RASEF: variants seen among roughly 807,000 people sequenced by gnomAD.
RASEF encodes the protein ras and EF-hand domain-containing protein.
A neutral mutation model predicts 90.1 loss-of-function variants in RASEF; 68 were observed. The ratio of observed to expected loss-of-function variants is 0.75; its 90% CI spans 0.62 to 0.92. RASEF has a LOEUF of 0.92. Ranked by LOEUF, RASEF falls within the 40% of genes least tolerant of loss-of-function variation. RASEF has a pLI of 0.00. For synonymous variants in RASEF, 331 were observed against 345.2 expected, an observed-to-expected ratio of 0.96 and a Z score of 0.46; for missense variants, 949 against 937.2, an observed-to-expected ratio of 1.01 and a Z score of -0.16.
chr9:83,164,347 G>GTA, the RASEF span, among the ~76,000 whole-genome samples: 703 of 129,950 alleles, frequency 5.4e-3, 4 homozygotes, highest in East Asian at 0.033. Flanking sequence ...GTATATGTGT[G>GTA]TATATATATA....
In RASEF at chr9:83,055,674, G is replaced by A. The variant is rs189889862; in HGVS notation, c.431+6763C>T. 2.9e-5 allele frequency: 21 copies of A among 717,900 alleles called. 1 individual carries two copies. The highest frequency in any genetic ancestry group is 4.6e-4 in the Middle Eastern group (2 of 4,372). 44.5% of individuals were successfully genotyped at this position (717,900 alleles called of 1,614,324 possible). A position where few individuals can be genotyped will look rare whatever the true frequency, so the allele number is the denominator to read the frequency against. On this transcript the variant is annotated intron_variant, in intron 1 of 16. Coordinates refer to ENST00000376447, the MANE Select transcript of RASEF (RefSeq NM_152573.4). Reference sequence around the variant, plus strand: ...ACACAAATGCAGGTTTTGAAATTGTGTAGCCAAATCTGTAATACAAAAGTC... The same window carrying A: ...ACACAAATGCAGGTTTTGAAATTGTATAGCCAAATCTGTAATACAAAAGTC...
At chr9:83,115,606 A>C in the RASEF span, among the ~76,000 whole-genome samples, 2 of 152,266 alleles carry the variant, frequency 1.3e-5, no homozygotes, top group African/African-American at 4.8e-5. Flanking sequence ...TGAATATGTG[A>C]ATCAAGATTT....
the RASEF span, among the ~76,000 whole-genome samples, chr9:83,130,362 A>G: frequency 6.6e-6 from 1 of 152,174 alleles, no homozygotes; most frequent in Non-Finnish European, 1.5e-5. Context: ...CCAATTATCA[A>G]CATCCCATAT....
intron 1 of RASEF, among the ~76,000 whole-genome samples, chr9:83,061,025 C>A (rs1296290441): frequency 6.6e-6 from 1 of 152,166 alleles, no homozygotes; most frequent in Non-Finnish European, 1.5e-5. Flanking sequence ...TGTATGCATA[C>A]ATCATATCCA....
At chr9:83,194,083 C>G in the RASEF span, among the ~76,000 whole-genome samples, 1 of 152,148 alleles carries the variant, frequency 6.6e-6, no homozygotes, top group Non-Finnish European at 1.5e-5. Flanking sequence ...TACCATCTTA[C>G]ACTACCATGG....
chr9:83,110,073 T>C, the RASEF span, among the ~76,000 whole-genome samples: 2 of 152,218 alleles, frequency 1.3e-5, no homozygotes, highest in African/African-American at 4.8e-5. Flanking sequence ...TGAAGAAAAT[T>C]AAATGACCAA....
At chr9:83,087,306 GATTTA>G in the RASEF span, among the ~76,000 whole-genome samples, 1 of 152,114 alleles carries the variant, frequency 6.6e-6, no homozygotes, top group South Asian at 2.1e-4. Context: ...GAGGCACTTG[GATTTA>G]GTGAGGTCAT....
chr9:83,115,102 C>G, the RASEF span, among the ~76,000 whole-genome samples: 2 of 152,140 alleles, frequency 1.3e-5, no homozygotes, highest in Admixed American at 1.3e-4. Flanking sequence ...TTTCTCAAAC[C>G]GGCCAACACT....
At chr9:83,017,940 A>G (rs1312142058) in intron 3 of RASEF, among the ~76,000 whole-genome samples, 3 of 152,220 alleles carry the variant, frequency 2.0e-5, no homozygotes, top group African/African-American at 7.2e-5. Flanking sequence ...AAAAAAGAAA[A>G]AAACATGATC....
At chr9:82,982,891 T>A (rs1385934857) in intron 16 of RASEF, 109 bp from the exon 17 acceptor site, 2 of 734,652 alleles carry the variant, frequency 2.7e-6, no homozygotes, top group East Asian at 5.0e-5. Context: ...AAAATAGCCA[T>A]GCTGAGTGTC....
the RASEF span, among the ~76,000 whole-genome samples, chr9:83,149,690 G>A: frequency 6.6e-6 from 1 of 152,194 alleles, no homozygotes; most frequent in Admixed American, 6.5e-5. Context: ...GCCACCCCAT[G>A]AAGCTGCAAC....
chr9:83,141,849 G>C, the RASEF span, among the ~76,000 whole-genome samples: 1 of 152,194 alleles, frequency 6.6e-6, no homozygotes, highest in Non-Finnish European at 1.5e-5. Flanking sequence ...AGAGCTAGGG[G>C]TTGGGAGTAG....
the RASEF span, among the ~76,000 whole-genome samples, chr9:83,085,206 A>C: frequency 6.6e-6 from 1 of 152,246 alleles, no homozygotes; most frequent in Non-Finnish European, 1.5e-5. Context: ...TAATACCTAG[A>C]AGCCAGGAGG....
In RASEF at chr9:82,998,461, G is replaced by T. The variant is rs370765439; in HGVS notation, c.1724-15C>A. On this transcript the variant is annotated splice_polypyrimidine_tract_variant and intron_variant, in intron 12 of 16. Transcript: ENST00000376447. ...GAAATCAACTCCTGAAAAGGAATGT[G>T]AGAGTGGAGAGCACGATGTAAATAA... 1 of 1,488,402 alleles carries T rather than the reference G, an allele frequency of 6.7e-7. No individual in the cohort carries two copies. Among genetic ancestry groups the T allele is most frequent in the Non-Finnish European group, 9.4e-7 (1 of 1,065,878 alleles). The allele number at this position is 1,488,402 out of a possible 1,614,324, so 92.2% of individuals were successfully genotyped here. A position where few individuals can be genotyped will look rare whatever the true frequency, so the allele number is the denominator to read the frequency against.
intron 2 of RASEF, among the ~76,000 whole-genome samples, chr9:83,023,041 G>T (rs1272503108): frequency 5.3e-5 from 8 of 152,018 alleles, no homozygotes; most frequent in African/African-American, 1.4e-4. Context: ...TCAAAGTGCT[G>T]GGAGGCTCTC....
At chr9:83,029,423 C>T (rs1281593904) in intron 1 of RASEF, among the ~76,000 whole-genome samples, 2 of 147,174 alleles carry the variant, frequency 1.4e-5, no homozygotes, top group African/African-American at 5.0e-5. Flanking sequence ...AACTGAGTCT[C>T]GCTCTGTCAC....
chr9:83,209,448 G>A, the RASEF span, among the ~76,000 whole-genome samples: 1 of 152,256 alleles, frequency 6.6e-6, no homozygotes, highest in Non-Finnish European at 1.5e-5. Flanking sequence ...TTAAATACAT[G>A]CTGTTTCAGG....
At chr9:83,091,904 G>A in the RASEF span, among the ~76,000 whole-genome samples, 1 of 151,818 alleles carries the variant, frequency 6.6e-6, no homozygotes, top group East Asian at 1.9e-4. Flanking sequence ...AGCTGGGGAG[G>A]GAGATGGGAC....
intron 1 of RASEF, among the ~76,000 whole-genome samples, chr9:83,027,289 A>G (rs1395372428): frequency 3.9e-5 from 6 of 152,150 alleles, no homozygotes; most frequent in Admixed American, 3.9e-4. Context: ...TCACTGGCCA[A>G]TGGTGATTAC....
Sources: gnomAD v4.1 joint callset for allele counts (sites outside exome capture counted in the v4.1 genomes callset) on GRCh38, gnomAD v4.1.1 for gene constraint, MANE v1.5 for transcripts, NCBI Gene and HGNC (gene_info 2026-07-23, HGNC 2026-07-21) for gene names.